The following ARHGEF2 variants were observed in gnomAD, a reference collection of about 807,000 sequenced individuals.
The protein encoded by ARHGEF2 is Rho/Rac guanine nucleotide exchange factor 2.
A neutral mutation model predicts 121.0 loss-of-function variants in ARHGEF2; 22 were observed. That is an observed-to-expected ratio of 0.18 (90% CI 0.13 to 0.26). ARHGEF2 has a LOEUF of 0.26. Among genes scored for constraint, ARHGEF2 ranks in the 10% least tolerant of loss-of-function variants. ARHGEF2 has a pLI of 1.00. For synonymous variants in ARHGEF2, 487 were observed against 530.0 expected (o/e 0.92, Z 1.11); for missense variants, 907 against 1,336.0 (o/e 0.68, Z 5.01).
rs1187605216 is a variant in ARHGEF2, at chr1:155,978,502, G to A, written c.-75C>T. The A allele has an allele frequency of 1.5e-6, 2 of 1,340,928 alleles. No homozygotes were observed. Among genetic ancestry groups the A allele is most frequent in the South Asian group, 3.6e-5 (2 of 55,652 alleles). The allele number at this position is 1,340,928 out of a possible 1,614,324, so 83.1% of individuals were successfully genotyped here. A position where few individuals can be genotyped will look rare whatever the true frequency, so the allele number is the denominator to read the frequency against. On this transcript the variant is annotated 5_prime_UTR_variant, in exon 1 of 22. Transcript: ENST00000361247. This position sits in a 1 kb window ranked among gnomAD's most constrained non-coding sequence, Gnocchi z 4.1. ...TATTGTTGGGGGAAGGCGGGGGGAGGGGTTCGGCCCGCACGCGTTGGTCTC... is the reference window on the plus strand; with the variant it reads ...TATTGTTGGGGGAAGGCGGGGGGAGAGGTTCGGCCCGCACGCGTTGGTCTC...
chr1:155,978,712 C>A (rs1681806526), upstream of ARHGEF2: 27 of 861,078 alleles, frequency 3.1e-5, no homozygotes, highest in Non-Finnish European at 3.9e-5. This position sits in a 1 kb window ranked among gnomAD's most constrained non-coding sequence, Gnocchi z 4.1. Flanking sequence ...GGTCCTAGGA[C>A]AGGTTTGAGA....
At chr1:155,963,299 A>G (rs1449526467) in intron 7 of ARHGEF2, 116 bp from the exon 8 acceptor site, 13 of 867,948 alleles carry the variant, frequency 1.5e-5, no homozygotes, top group Admixed American at 2.6e-5. Context: ...CCAGGTTAAT[A>G]TTCTGCATTA....
chr1:155,965,522 T>G lies in ARHGEF2; in HGVS notation c.470+109A>C, dbSNP rs1216678563. 4 of 1,603,632 alleles carry G rather than the reference T, an allele frequency of 2.5e-6. No individual in the cohort carries two copies. The Admixed American group carries it at 5.0e-5, about 20-fold the overall frequency. ...AGGCGGTCCCCCTAAGTTCTCCTTA[T>G]TTGTCTGTCTACAGTTCTGAACTCA... is the stretch of plus-strand genomic sequence containing the variant. On this transcript the variant is annotated intron_variant, in intron 5 of 21. Coordinates refer to ENST00000361247, the MANE Select transcript of ARHGEF2 (RefSeq NM_001162383.2). The surrounding 1 kb of genome is among the most constrained non-coding windows in gnomAD (Gnocchi z 6.0).
intron 2 of ARHGEF2, among the ~76,000 whole-genome samples, chr1:155,967,370 T>C (rs1679623817): frequency 6.6e-6 from 1 of 152,120 alleles, no homozygotes; most frequent in Non-Finnish European, 1.5e-5. Context: ...TAACCACCCG[T>C]AGAGGGAGGT....
chr1:155,978,438 G>A lies in ARHGEF2; in HGVS notation c.-11C>T, dbSNP rs888014833. 3.8e-5 allele frequency: 57 copies of A among 1,487,878 alleles called. No individual in the cohort carries two copies. Among genetic ancestry groups the A allele is most frequent in the Non-Finnish European group, 4.6e-5 (51 of 1,104,408 alleles). The allele number at this position is 1,487,878 out of a possible 1,614,324, so 92.2% of individuals were successfully genotyped here. A position where few individuals can be genotyped will look rare whatever the true frequency, so the allele number is the denominator to read the frequency against. Reference sequence around the variant, plus strand: ...TTCGATCCGAGACATAATCGGACGGGGGGACCAGGGAGGACGCGGCGCGGA... The same window carrying A: ...TTCGATCCGAGACATAATCGGACGGAGGGACCAGGGAGGACGCGGCGCGGA... On this transcript the variant is annotated 5_prime_UTR_variant, in exon 1 of 22. Transcript: ENST00000361247. This position sits in a 1 kb window ranked among gnomAD's most constrained non-coding sequence, Gnocchi z 4.1.
At position 155,965,205 on chromosome 1, in the gene ARHGEF2, C is replaced by T; in HGVS notation, c.581-74G>A. On this transcript the variant is annotated intron_variant, in intron 6 of 21. Coordinates refer to ENST00000361247, the MANE Select transcript of ARHGEF2 (RefSeq NM_001162383.2). The surrounding 1 kb of genome is among the most constrained non-coding windows in gnomAD (Gnocchi z 6.0). The stretch of plus-strand genomic sequence containing the variant: ...TGGGTCCCTGGCCCTTCTCTAGATC[C>T]CTTCCCTCCTTGTCCTTCCAGGCTA... 4.4e-6 allele frequency: 7 copies of T among 1,607,574 alleles called. No individual in the cohort carries two copies. The highest frequency in any genetic ancestry group is 1.1e-5 in the South Asian group (1 of 90,770).
intron 13 of ARHGEF2, 55 bp from the exon 14 acceptor site, chr1:155,955,024 A>G: frequency 6.8e-7 from 1 of 1,469,594 alleles, no homozygotes; most frequent in East Asian, 2.3e-5. Flanking sequence ...GTTATAGACC[A>G]GAATCAGCCT....
intron 1 of ARHGEF2, chr1:155,978,000 G>A: frequency 1.2e-6 from 1 of 852,234 alleles, no homozygotes; most frequent in Non-Finnish European, 1.4e-6. Flanking sequence ...GGTGAGAGGA[G>A]GTGCCGGAGC....
chr1:155,963,034 G>A lies in ARHGEF2; in HGVS notation c.874C>T (p.Arg292Cys), dbSNP rs774796723. The change falls in exon 8 of 22, where the codon CGC (arginine) becomes TGC (cysteine). Residue 292 changes from arginine (R) to cysteine (C), a missense_variant. Physicochemically the swap from Arg to Cys is radical, Grantham distance 180. Coordinates refer to ENST00000361247, the MANE Select transcript of ARHGEF2 (RefSeq NM_001162383.2). ...CVDELSDIHT[R>C]FLSQLLERRR... ...CGTTCTAATAGCTGGCTGAGGAAGCGTGTATGGATGTCACTGAGCTCGTCC... is the reference window on the plus strand; with the variant it reads ...CGTTCTAATAGCTGGCTGAGGAAGCATGTATGGATGTCACTGAGCTCGTCC... 8 of 1,614,200 alleles carry A rather than the reference G, an allele frequency of 5.0e-6. No homozygotes were observed. The highest frequency in any genetic ancestry group is 4.4e-5 in the South Asian group (4 of 91,088).
chr1:155,949,731 G>T (rs1004439476), intron 21 of ARHGEF2, among the ~76,000 whole-genome samples: 1 of 151,728 alleles, frequency 6.6e-6, no homozygotes, highest in East Asian at 1.9e-4. Flanking sequence ...ACAAAAATTA[G>T]CTGGGCGTGG....
chr1:155,974,398 T>G (rs11585845), intron 1 of ARHGEF2, among the ~76,000 whole-genome samples: 88,625 of 151,982 alleles, frequency 0.58, 29,448 homozygotes, highest in Middle Eastern at 0.75. Context: ...TCAGCCCCTG[T>G]ACAGCAGAGG....
chr1:155,972,224 G>A (rs765090382), intron 1 of ARHGEF2: 50 of 466,478 alleles, frequency 1.1e-4, no homozygotes, highest in Non-Finnish European at 2.0e-4. Context: ...TGGTACTCTG[G>A]GCCCTGCCTC....
Position 155,965,568 on chromosome 1 carries a change from A to C in ARHGEF2, c.470+63T>G, listed in dbSNP as rs1479870065. On this transcript the variant is annotated intron_variant, in intron 5 of 21. Coordinates refer to ENST00000361247, the MANE Select transcript of ARHGEF2 (RefSeq NM_001162383.2). This position sits in a 1 kb window ranked among gnomAD's most constrained non-coding sequence, Gnocchi z 6.0. Reference sequence around the variant, plus strand: ...ACTCAGGGATGGAAAGGGACCTCTCAGCACCCCCTTGGCCTCCACTGCCAC... The same window carrying C: ...ACTCAGGGATGGAAAGGGACCTCTCCGCACCCCCTTGGCCTCCACTGCCAC... The C allele has an allele frequency of 6.2e-7, 1 of 1,609,938 alleles. No individual in the cohort carries two copies. The highest frequency in any genetic ancestry group is 2.2e-5 in the East Asian group (1 of 44,876).
At position 155,950,375 on chromosome 1, in the gene ARHGEF2, C is replaced by T. The variant is rs762470813; in HGVS notation, c.2811G>A (p.Leu937=). ...CAGTGTCAGGGTCACTGCTGTCTTG[C>T]AGCCGCTCTTCGGGGCTCCCCAGTT... ...RQELGSPEER[L]QDSSDPDTGS... Residue 937 remains leucine (L), a synonymous_variant, in exon 21 of 22, where the codon CTG becomes CTA. Transcript: ENST00000361247. This position sits in a 1 kb window ranked among gnomAD's most constrained non-coding sequence, Gnocchi z 5.2. The T allele has an allele frequency of 6.2e-7, 1 of 1,614,030 alleles. No homozygotes were observed.
chr1:155,967,578 T>G (rs1167384337), intron 2 of ARHGEF2, among the ~76,000 whole-genome samples: 1 of 151,980 alleles, frequency 6.6e-6, no homozygotes, highest in Non-Finnish European at 1.5e-5. Flanking sequence ...ATGGCTCCAG[T>G]GGTAAAGAAG....
rs756886387 is a variant in ARHGEF2 at position 155,965,592 on chromosome 1, A to G, written c.470+39T>C. 6.2e-7 allele frequency: 1 copy of G among 1,611,916 alleles called. No homozygotes were observed. The highest frequency in any genetic ancestry group is 1.1e-5 in the South Asian group (1 of 90,878). ...CAGCACCCCCTTGGCCTCCACTGCC[A>G]CACTCTCTGGCTGCCCCTTTCCCCA... On this transcript the variant is annotated intron_variant, in intron 5 of 21. Coordinates refer to ENST00000361247, the MANE Select transcript of ARHGEF2 (RefSeq NM_001162383.2). The surrounding 1 kb of genome is among the most constrained non-coding windows in gnomAD (Gnocchi z 6.0).
rs1217252963 is a variant in ARHGEF2, at chr1:155,950,847, C to T, written c.2685G>A (p.Leu895=). 7 of 1,530,464 alleles carry T rather than the reference C, an allele frequency of 4.6e-6. No individual in the cohort carries two copies. The highest frequency in any genetic ancestry group is 6.1e-6 in the Non-Finnish European group (7 of 1,139,666). 94.8% of individuals were successfully genotyped at this position (1,530,464 alleles called of 1,614,324 possible). A position where few individuals can be genotyped will look rare whatever the true frequency, so the allele number is the denominator to read the frequency against. Residue 895 remains leucine, a synonymous_variant, in exon 20 of 22, where the codon TTG becomes TTA. Transcript: ENST00000361247. The surrounding 1 kb of genome is among the most constrained non-coding windows in gnomAD (Gnocchi z 5.2). ...RSLPAGDALY[L]SFNPPQPSRG... ...ACCTTACCTGTGGGGGGTTGAAACT[C>T]AAGTACAGGGCATCGCCTGCGGGGA... is the stretch of plus-strand genomic sequence containing the variant.
chr1:155,978,326 C>A lies in ARHGEF2; in HGVS notation c.63+39G>T, dbSNP rs1308692462. The A allele has an allele frequency of 1.4e-6, 2 of 1,479,430 alleles. No individual in the cohort carries two copies. The highest frequency in any genetic ancestry group is 5.4e-5 in the East Asian group (2 of 37,284). 91.6% of individuals were successfully genotyped at this position (1,479,430 alleles called of 1,614,324 possible). A position where few individuals can be genotyped will look rare whatever the true frequency, so the allele number is the denominator to read the frequency against. On this transcript the variant is annotated intron_variant, in intron 1 of 21. Transcript: ENST00000361247. This position sits in a 1 kb window ranked among gnomAD's most constrained non-coding sequence, Gnocchi z 4.1. ...CGGGTGCCGGGGTTCGGGGAGCACCCGAGGACCGCGGCGAAAGGAGAGGGG... is the reference window on the plus strand; with the variant it reads ...CGGGTGCCGGGGTTCGGGGAGCACCAGAGGACCGCGGCGAAAGGAGAGGGG...
chr1:155,963,916 G>A lies in ARHGEF2; in HGVS notation c.725-733C>T, dbSNP rs1180395438. ...TCCCAGCACTTTGGGAGGCCGAGGCGGGTGCATCACCTGAGGTCAGGTGTT... is the reference window on the plus strand; with the variant it reads ...TCCCAGCACTTTGGGAGGCCGAGGCAGGTGCATCACCTGAGGTCAGGTGTT... On this transcript the variant is annotated intron_variant, in intron 7 of 21. Transcript: ENST00000361247. Among the ~76,000 whole-genome samples, 5 of 150,384 alleles carry A rather than the reference G, an allele frequency of 3.3e-5. No individual in the cohort carries two copies. In the East Asian group the frequency reaches 6.0e-4, roughly 18 times the overall value.
Sources: allele counts gnomAD v4.1 joint callset (sites outside exome capture counted in the v4.1 genomes callset), GRCh38; gene constraint gnomAD v4.1.1; non-coding constraint Gnocchi (gnomAD v3.1); transcripts MANE v1.5; gene names NCBI Gene and HGNC (gene_info 2026-07-23, HGNC 2026-07-21).